Variants in MAST2 observed in about 807,000 individuals in gnomAD.
MAST2 encodes microtubule-associated serine/threonine-protein kinase 2.
A neutral mutation model predicts 147.4 loss-of-function variants in MAST2; 70 were observed. That is an observed-to-expected ratio of 0.47 (90% CI 0.39 to 0.58). The LOEUF (loss-of-function observed/expected upper bound fraction) is 0.58. MAST2 is among the 20% of genes least tolerant of loss of function. The pLI is 0.00. For missense variants in MAST2, 2,080 were observed against 2,302.3 expected (o/e 0.90, Z 1.98); for synonymous variants, 869 against 896.8 (o/e 0.97, Z 0.55).
In MAST2 at chr1:45,925,929, A is replaced by G. The variant is rs149408339; in HGVS notation, c.501-33457A>G. Among the ~76,000 whole-genome samples, 5 of 152,288 alleles carry G rather than the reference A, an allele frequency of 3.3e-5. No homozygotes were observed. In the East Asian group the frequency reaches 9.6e-4, roughly 29 times the overall value. ...GACTTTTGGTAGACTTGCGTGGCAA[A>G]TGGACAGGTGTTCCTTTGGGCCTCC... On this transcript the variant is annotated intron_variant, in intron 4 of 28. Transcript: ENST00000361297.
chr1:45,818,140 GTGT>G (rs1249882477), intron 1 of MAST2, among the ~76,000 whole-genome samples: 12 of 152,202 alleles, frequency 7.9e-5, no homozygotes, highest in Admixed American at 7.2e-4. Flanking sequence ...GTGCAGTTGG[GTGT>G]TGTTGTGGAG....
chr1:45,828,997 C>CATTGAG (rs1644875103), intron 2 of MAST2, among the ~76,000 whole-genome samples: 2 of 151,878 alleles, frequency 1.3e-5, no homozygotes, highest in African/African-American at 2.4e-5. Context: ...GACTCTCTTT[C>CATTGAG]ATTGAGATTA....
In MAST2 at chr1:45,816,834, C is replaced by T. The variant is rs537614452; in HGVS notation, c.178-7599C>T. Reference sequence around the variant, plus strand: ...CTGGGATTACAGGTGTGTGCCACCACACCTGGCTAATTTTTTTGTTTTTTA... The same window carrying T: ...CTGGGATTACAGGTGTGTGCCACCATACCTGGCTAATTTTTTTGTTTTTTA... On this transcript the variant is annotated intron_variant, in intron 1 of 28. Coordinates refer to ENST00000361297, the MANE Select transcript of MAST2 (RefSeq NM_015112.3). Among the ~76,000 whole-genome samples the T allele has an allele frequency of 3.2e-3, 490 of 152,218 alleles. 3 individuals carry two copies. The highest frequency in any genetic ancestry group is 0.011 in the African/African-American group (457 of 41,538).
chr1:45,868,872 T>G (rs1278033059), intron 3 of MAST2, among the ~76,000 whole-genome samples: 2 of 152,224 alleles, frequency 1.3e-5, no homozygotes, highest in Non-Finnish European at 2.9e-5. Context: ...GCTTCTGTTG[T>G]TCTACATTTC....
chr1:45,818,965 A>G lies in MAST2; in HGVS notation c.178-5468A>G, dbSNP rs535158670. Among the ~76,000 whole-genome samples, 6 of 152,322 alleles carry G rather than the reference A, an allele frequency of 3.9e-5. No homozygotes were observed. In the East Asian group the frequency reaches 1.2e-3, roughly 29 times the overall value. ...TATAATGACATTTATTTAAGAATGTATTCCAAGACCGGGCATAGTGGCTCA... is the reference window on the plus strand; with the variant it reads ...TATAATGACATTTATTTAAGAATGTGTTCCAAGACCGGGCATAGTGGCTCA... On this transcript the variant is annotated intron_variant, in intron 1 of 28. Transcript: ENST00000361297.
intron 4 of MAST2, among the ~76,000 whole-genome samples, chr1:45,930,030 A>G (rs993452503): frequency 1.1e-4 from 16 of 152,322 alleles, no homozygotes; most frequent in African/African-American, 3.6e-4. Flanking sequence ...TCTGAGAGCT[A>G]AAAAATGGTA....
chr1:45,964,077 T>C (rs1660820385), intron 5 of MAST2, among the ~76,000 whole-genome samples: 1 of 152,240 alleles, frequency 6.6e-6, no homozygotes, highest in South Asian at 2.1e-4. Context: ...CACTTGATCA[T>C]GGTGGATAAG....
At chr1:45,950,278 G>T (rs907885478) in intron 4 of MAST2, among the ~76,000 whole-genome samples, 6 of 152,122 alleles carry the variant, frequency 3.9e-5, no homozygotes, top group African/African-American at 1.4e-4. Flanking sequence ...GGGAGGAGAT[G>T]TGCTAGTCTC....
intron 16 of MAST2, 118 bp from the exon 17 acceptor site, chr1:46,027,613 A>C (rs2149317997): frequency 2.7e-6 from 3 of 1,093,196 alleles, no homozygotes; most frequent in East Asian, 2.5e-5. Context: ...GAAGCTACCC[A>C]GCTTGTGTCT....
At chr1:45,955,846 G>A (rs1204721779) in intron 4 of MAST2, among the ~76,000 whole-genome samples, 1 of 152,168 alleles carries the variant, frequency 6.6e-6, no homozygotes, top group Non-Finnish European at 1.5e-5. Flanking sequence ...GTGAGACAAG[G>A]AGAATTTTAA....
chr1:45,948,622 G>A lies in MAST2; in HGVS notation c.501-10764G>A, dbSNP rs527740706. On this transcript the variant is annotated intron_variant, in intron 4 of 28. Transcript: ENST00000361297. ...CCTGGGAGGCTGAGGCAGGAGAATT[G>A]CTTGAACCTGGGAGGTGAAGATTGG... 1.4e-3 allele frequency among the ~76,000 whole-genome samples: 192 copies of A among 132,538 alleles called. 2 individuals are homozygous for A. Among genetic ancestry groups the A allele is most frequent in the Non-Finnish European group, 1.6e-3 (103 of 64,620 alleles). 87.0% of individuals were successfully genotyped at this position (132,538 alleles called of 152,430 possible).
intron 1 of MAST2, among the ~76,000 whole-genome samples, chr1:45,820,255 G>C (rs532935033): frequency 6.6e-6 from 1 of 152,260 alleles, no homozygotes; most frequent in East Asian, 1.9e-4. Context: ...ACTACTAAAA[G>C]AAAACTTTGG....
intron 3 of MAST2, among the ~76,000 whole-genome samples, chr1:45,860,115 C>G (rs901952881): frequency 1.3e-5 from 2 of 151,652 alleles, no homozygotes; most frequent in Non-Finnish European, 2.9e-5. Flanking sequence ...CCTGAGGTGG[C>G]GGGATGCTGA....
At chr1:45,817,725 A>C (rs1644499724) in intron 1 of MAST2, among the ~76,000 whole-genome samples, 3 of 152,114 alleles carry the variant, frequency 2.0e-5, no homozygotes, top group Admixed American at 2.0e-4. Flanking sequence ...GACTCATATC[A>C]TGAAAAGATG....
chr1:45,889,431 C>T (rs916268634), intron 4 of MAST2, among the ~76,000 whole-genome samples: 18 of 152,178 alleles, frequency 1.2e-4, no homozygotes, highest in African/African-American at 4.3e-4. Context: ...AAACTACCTG[C>T]CTTCCTCGGC....
intron 4 of MAST2, among the ~76,000 whole-genome samples, chr1:45,909,852 G>C (rs141751979): frequency 6.7e-6 from 1 of 150,318 alleles, no homozygotes; most frequent in Admixed American, 6.6e-5. Context: ...TCGCTCTGTC[G>C]ACCAGGCTGG....
rs1049430257 is a variant in MAST2, at chr1:46,030,735, G to A, written c.2682G>A (p.Arg894=). The change falls in exon 22 of 29, where the codon CGG becomes CGA. Residue 894 remains arginine, a synonymous_variant. Transcript: ENST00000361297. The stretch of plus-strand genomic sequence containing the variant: ...TGGCAGGGCTCAAAGGCCGAGACCG[G>A]AGCTGGGTGATTGGCTCCCCTGAGA... ...DGLAGLKGRD[R]SWVIGSPEIL... 6.3e-7 allele frequency: 1 copy of A among 1,591,430 alleles called. No individual in the cohort carries two copies. Among genetic ancestry groups the A allele is most frequent in the East Asian group, 2.2e-5 (1 of 44,528 alleles).
chr1:45,977,724 C>T (rs1420546616), intron 5 of MAST2, among the ~76,000 whole-genome samples: 2 of 149,712 alleles, frequency 1.3e-5, no homozygotes, highest in Non-Finnish European at 2.9e-5. Flanking sequence ...CGCTTGAACC[C>T]AGGAGGCGGA....
intron 4 of MAST2, among the ~76,000 whole-genome samples, chr1:45,939,556 C>T (rs961396542): frequency 1.1e-4 from 16 of 149,800 alleles, no homozygotes; most frequent in Admixed American, 5.3e-4. Flanking sequence ...GGGGTGGGGT[C>T]GCAGGGGACA....
Sources: allele counts gnomAD v4.1 joint callset (sites outside exome capture counted in the v4.1 genomes callset), GRCh38; gene constraint gnomAD v4.1.1; transcripts MANE v1.5; gene names NCBI Gene and HGNC (gene_info 2026-07-23, HGNC 2026-07-21).